The following SLC52A1 variants were observed in gnomAD, a reference collection of about 807,000 sequenced individuals.
SLC52A1 encodes solute carrier family 52, riboflavin transporter, member 1.
Under a neutral mutation model 23.2 loss-of-function variants are expected in SLC52A1, and 20 were observed. That is an observed-to-expected ratio of 0.86 (90% CI 0.61 to 1.25). The LOEUF is 1.25. Ranked by LOEUF, SLC52A1 falls within the 50% of genes most tolerant of loss-of-function variation. The pLI, the probability that SLC52A1 is intolerant of heterozygous loss-of-function variation, is 0.00. For synonymous variants in SLC52A1, 260 were observed against 256.6 expected (o/e 1.01, Z -0.13); for missense variants, 528 against 557.0 (o/e 0.95, Z 0.52).
intron 1 of SLC52A1, among the ~76,000 whole-genome samples, chr17:5,040,677 AT>A (rs1228207775): frequency 6.6e-6 from 1 of 152,074 alleles, no homozygotes; most frequent in Non-Finnish European, 1.5e-5. Context: ...CACCTGGAAG[AT>A]CCCTCTGCTC....
At position 5,033,855 on chromosome 17, in the gene SLC52A1, G is replaced by A. The variant is rs370188723; in HGVS notation, c.634C>T (p.Arg212Trp). ...ALLVTSAAAFRGLLLLLPSLP... is the reference protein window; with the variant it reads ...ALLVTSAAAFWGLLLLLPSLP... ...GATGGCAACAGCAACAGGAGACCCCGGAAGGCGGCAGCTGAAGTGACCAGA... is the reference window on the plus strand; with the variant it reads ...GATGGCAACAGCAACAGGAGACCCCAGAAGGCGGCAGCTGAAGTGACCAGA... The change falls in exon 3 of 5, where the codon CGG becomes TGG. Residue 212 changes from arginine (R) to tryptophan (W), a missense_variant. Transcript: ENST00000254853. The A allele has an allele frequency of 9.1e-5, 147 of 1,614,238 alleles. No individual in the cohort carries two copies. The highest frequency in any genetic ancestry group is 8.2e-4 in the Middle Eastern group (5 of 6,062).
At position 5,034,579 on chromosome 17, in the gene SLC52A1, C is replaced by G. The variant is rs757620466; in HGVS notation, c.28G>C (p.Val10Leu). 5 of 1,614,128 alleles carry G rather than the reference C, an allele frequency of 3.1e-6. No individual in the cohort carries two copies. In the African/African-American group the frequency reaches 5.3e-5, roughly 17 times the overall value. The change falls in exon 2 of 5, where the codon GTG becomes CTG. Residue 10 changes from valine (V) to leucine (L), a missense_variant. Transcript: ENST00000254853. Reference protein sequence around the residue: MAAPTLGRLVLTHLLVALFG... With the variant: MAAPTLGRLLLTHLLVALFG... ...AGGGCCACCAGCAGGTGGGTCAGCA[C>G]CAGACGGCCCAGCGTGGGTGCTGCC... is the stretch of plus-strand genomic sequence containing the variant.
In SLC52A1 at chr17:5,033,703, G is replaced by A; in HGVS notation, c.786C>T (p.Gly262=). Residue 262 remains glycine, a synonymous_variant, in exon 3 of 5, where the codon GGC becomes GGT. Transcript: ENST00000254853. The part of the protein sequence containing the change: ...PLQEPPSQAA[G]TIPGPDPEAH... ...CCTCAGGGTCTGGGCCAGGGATGGT[G>A]CCTGCTGCCTGGCTCGGTGGCTCCT... 1 of 1,614,010 alleles carries A rather than the reference G, an allele frequency of 6.2e-7. No individual in the cohort carries two copies. The highest frequency in any genetic ancestry group is 8.5e-7 in the Non-Finnish European group (1 of 1,180,020).
upstream of SLC52A1, among the ~76,000 whole-genome samples, chr17:5,038,928 A>C (rs552044498): frequency 3.6e-4 from 55 of 152,308 alleles, no homozygotes; most frequent in African/African-American, 1.3e-3. Flanking sequence ...TACTGGCATA[A>C]ATATTTAAAA....
At chr17:5,036,403 C>CTT (rs34031349), upstream of SLC52A1, among the ~76,000 whole-genome samples, 250 of 59,216 alleles carry the variant, frequency 4.2e-3, 46 homozygotes, top group South Asian at 0.031. Context: ...CTAATTTTTG[C>CTT]TTTTTTTTTT....
At position 5,033,982 on chromosome 17, in the gene SLC52A1, G is replaced by A; in HGVS notation, c.507C>T (p.Arg169=). The A allele has an allele frequency of 6.2e-7, 1 of 1,614,084 alleles. No individual in the cohort carries two copies. Among genetic ancestry groups the A allele is most frequent in the Non-Finnish European group, 8.5e-7 (1 of 1,179,974 alleles). ...CVLALVQGVG[R]LECPPAPTNG... The stretch of plus-strand genomic sequence containing the variant: ...TGGTGGGCGCTGGTGGGCACTCGAG[G>A]CGGCCCACACCTTGCACTAGGGCCA... The change falls in exon 3 of 5, where the codon CGC becomes CGT. Residue 169 remains arginine, a synonymous_variant. Coordinates refer to ENST00000254853, the MANE Select transcript of SLC52A1 (RefSeq NM_017986.4).
chr17:5,042,101 A>G (rs1426525326), intron 1 of SLC52A1, among the ~76,000 whole-genome samples: 2 of 152,168 alleles, frequency 1.3e-5, no homozygotes, highest in Admixed American at 1.3e-4. Context: ...ATCCTAGACA[A>G]TGGTTAGGGC....
At chr17:5,036,614 A>G (rs181113789), upstream of SLC52A1, among the ~76,000 whole-genome samples, 51 of 145,900 alleles carry the variant, frequency 3.5e-4, no homozygotes, top group Admixed American at 6.9e-4. Context: ...GTTTCACCAT[A>G]TTGGCCAGGC....
chr17:5,038,637 C>A (rs921508463), upstream of SLC52A1, among the ~76,000 whole-genome samples: 3 of 151,646 alleles, frequency 2.0e-5, no homozygotes, highest in Non-Finnish European at 2.9e-5. Flanking sequence ...CCCAGACTGG[C>A]GTGCAGTGGC....
rs1225996593 is a variant in SLC52A1, at chr17:5,032,934, G to A, written c.*23C>T. ...TCACGATGAAGACAGGTGGGGTGGAGTTGGGTCCCCACCTGCCCAGGCTCA... is the reference window on the plus strand; with the variant it reads ...TCACGATGAAGACAGGTGGGGTGGAATTGGGTCCCCACCTGCCCAGGCTCA... On this transcript the variant is annotated 3_prime_UTR_variant, in exon 5 of 5. Transcript: ENST00000254853. 6.3e-7 allele frequency: 1 copy of A among 1,597,458 alleles called. No individual in the cohort carries two copies. Among genetic ancestry groups the A allele is most frequent in the Admixed American group, 1.7e-5 (1 of 59,816 alleles).
rs953069006 is a variant in SLC52A1 at position 5,034,721 on chromosome 17, G to C, written c.-107-8C>G. 1 of 1,392,202 alleles carries C rather than the reference G, an allele frequency of 7.2e-7. No homozygotes were observed. Among genetic ancestry groups the C allele is most frequent in the East Asian group, 2.5e-5 (1 of 40,084 alleles). The allele number at this position is 1,392,202 out of a possible 1,614,324, so 86.2% of individuals were successfully genotyped here. On this transcript the variant is annotated splice_region_variant and splice_polypyrimidine_tract_variant and intron_variant, in intron 1 of 4. Transcript: ENST00000254853. ...AAACTGAAGACCTTCTAGCTGGAGG[G>C]AAACAGACAGGCTGGCAGGTAATAG... is the stretch of plus-strand genomic sequence containing the variant.
upstream of SLC52A1, among the ~76,000 whole-genome samples, chr17:5,035,905 A>G (rs1597879032): frequency 3.2e-5 from 3 of 95,168 alleles, no homozygotes; most frequent in South Asian, 9.9e-4. Flanking sequence ...TTTTTGGTAG[A>G]GACAAGGTCT....
upstream of SLC52A1, among the ~76,000 whole-genome samples, chr17:5,037,810 C>T (rs1294778676): frequency 6.6e-6 from 1 of 151,934 alleles, no homozygotes. Context: ...CCACATAGGA[C>T]GTGCTCAAAT....
chr17:5,037,719 C>T (rs1379637190), upstream of SLC52A1, among the ~76,000 whole-genome samples: 1 of 152,060 alleles, frequency 6.6e-6, no homozygotes, highest in East Asian at 1.9e-4. Context: ...GCTGGTCTAT[C>T]TCCCTCACTA....
At chr17:5,037,350 C>G (rs904038999), upstream of SLC52A1, among the ~76,000 whole-genome samples, 1 of 152,032 alleles carries the variant, frequency 6.6e-6, no homozygotes, top group Non-Finnish European at 1.5e-5. Context: ...TGAACCCCGT[C>G]TCTACTAAAA....
At chr17:5,033,416 C>T in intron 3 of SLC52A1, 32 bp from the exon 4 acceptor site, 3 of 1,613,328 alleles carry the variant, frequency 1.9e-6, no homozygotes, top group Non-Finnish European at 2.5e-6. Context: ...TCAGGGCTGG[C>T]TGTTCTGGGA....
Position 5,033,389 on chromosome 17 carries a change from T to G in SLC52A1, c.1011-5A>C. On this transcript the variant is annotated splice_region_variant and splice_polypyrimidine_tract_variant and intron_variant, in intron 3 of 4. Coordinates refer to ENST00000254853, the MANE Select transcript of SLC52A1 (RefSeq NM_017986.4). ...CCAACCAGCCCTGCCAGGGACCTGT[T>G]GGGGATGAGCAGAGACTCAGGGCTG... 6.2e-7 allele frequency: 1 copy of G among 1,613,978 alleles called. No homozygotes were observed. The highest frequency in any genetic ancestry group is 8.5e-7 in the Non-Finnish European group (1 of 1,179,970).
At chr17:5,042,335 C>T (rs1336587613) in intron 1 of SLC52A1, among the ~76,000 whole-genome samples, 1 of 152,178 alleles carries the variant, frequency 6.6e-6, no homozygotes, top group African/African-American at 2.4e-5. Context: ...AGAAAGCTCA[C>T]CACAGATGAA....
chr17:5,033,027 A>G lies in SLC52A1; in HGVS notation c.1277T>C (p.Met426Thr), dbSNP rs865777317. Residue 426 changes from methionine (M) to threonine (T), a missense_variant, in exon 5 of 5, where the codon ATG becomes ACG. Physicochemically the swap from Met to Thr is moderately conservative, Grantham distance 81. Coordinates refer to ENST00000254853, the MANE Select transcript of SLC52A1 (RefSeq NM_017986.4). ...GTGGTAGATGCTGGTGGGAGGGAAC[A>G]TGGCACCGGCACCAAGCAGGGAGCC... The part of the protein sequence containing the change: ...QVGSLLGAGA[M>T]FPPTSIYHVF... 2 of 1,613,660 alleles carry G rather than the reference A, an allele frequency of 1.2e-6. No individual in the cohort carries two copies. Among genetic ancestry groups the G allele is most frequent in the Admixed American group, 1.7e-5 (1 of 59,984 alleles).
Sources: gnomAD v4.1 joint callset for allele counts (sites outside exome capture counted in the v4.1 genomes callset) on GRCh38, gnomAD v4.1.1 for gene constraint, MANE v1.5 for transcripts, NCBI Gene and HGNC (gene_info 2026-07-23, HGNC 2026-07-21) for gene names.